Variants in BAALC observed in about 807,000 individuals in gnomAD.
BAALC encodes the protein brain and acute leukemia cytoplasmic protein.
BAALC carries 9 observed loss-of-function variants against 15.5 expected under a neutral mutation model. The observed-to-expected ratio is 0.58, with a 90% CI of 0.35 to 1.02. BAALC has a LOEUF of 1.02. Ranked by LOEUF, BAALC falls within the 50% of genes least tolerant of loss-of-function variation. BAALC has a pLI of 0.02. For missense variants in BAALC, 201 were observed against 192.4 expected (o/e 1.04, Z -0.27); for synonymous variants, 80 against 74.6 (o/e 1.07, Z -0.37).
At chr8:103,196,032 A>G (rs2130016705) in intron 1 of BAALC, among the ~76,000 whole-genome samples, 1 of 152,306 alleles carries the variant, frequency 6.6e-6, no homozygotes, top group South Asian at 2.1e-4. Context: ...ATGGAGAATT[A>G]GGCCAATTGG....
At chr8:103,174,464 C>T (rs912464864) in intron 1 of BAALC, among the ~76,000 whole-genome samples, 15 of 152,170 alleles carry the variant, frequency 9.9e-5, no homozygotes, top group Non-Finnish European at 1.6e-4. Context: ...CCAGCCATGA[C>T]CTTGGGACTC....
intron 1 of BAALC, among the ~76,000 whole-genome samples, chr8:103,207,194 C>T (rs1333451276): frequency 6.6e-6 from 1 of 152,128 alleles, no homozygotes; most frequent in Admixed American, 6.5e-5. Flanking sequence ...GAAAAAATAA[C>T]TTTCTTTCCA....
At chr8:103,147,824 G>T (rs575741964) in intron 1 of BAALC, among the ~76,000 whole-genome samples, 16 of 152,240 alleles carry the variant, frequency 1.1e-4, no homozygotes, top group African/African-American at 3.9e-4. Context: ...GAGCCTCTCT[G>T]GCCAGTCTAT....
intron 1 of BAALC, chr8:103,166,240 G>T (rs1052731683): frequency 6.5e-6 from 1 of 152,752 alleles, no homozygotes; most frequent in African/African-American, 2.4e-5. Context: ...TGTAACCTTT[G>T]TTCCTGCCAG....
rs1810751691 is a variant in BAALC at position 103,140,855 on chromosome 8, C to A, written c.-43C>A. ...CTCCGGGGCTGAGCCGCCGCCAGAG[C>A]CGACAGCCGAGCAGCCGCTGGGCGC... On this transcript the variant is annotated 5_prime_UTR_variant, in exon 1 of 3. Coordinates refer to ENST00000309982, the MANE Select transcript of BAALC (RefSeq NM_024812.3). This position sits in a 1 kb window ranked among gnomAD's most constrained non-coding sequence, Gnocchi z 4.2. 9 of 1,445,472 alleles carry A rather than the reference C, an allele frequency of 6.2e-6. No individual in the cohort carries two copies. The highest frequency in any genetic ancestry group is 8.2e-6 in the Non-Finnish European group (9 of 1,098,676). 89.5% of individuals were successfully genotyped at this position (1,445,472 alleles called of 1,614,324 possible).
chr8:103,153,410 T>G (rs984278026), intron 1 of BAALC: 2 of 152,234 alleles, frequency 1.3e-5, no homozygotes, highest in African/African-American at 4.8e-5. Flanking sequence ...GTTTTTAATA[T>G]TTTCATGTTT....
intron 1 of BAALC, among the ~76,000 whole-genome samples, chr8:103,164,738 A>G (rs191723572): frequency 2.8e-4 from 43 of 152,244 alleles, no homozygotes; most frequent in African/African-American, 9.6e-4. Context: ...ATCTAACCCA[A>G]AAGCCACCCC....
intron 1 of BAALC, among the ~76,000 whole-genome samples, chr8:103,141,986 G>GA (rs1420429445): frequency 8.5e-5 from 13 of 152,118 alleles, no homozygotes; most frequent in African/African-American, 2.4e-4. Context: ...ACATTAAAAG[G>GA]AAAAAATCTC....
chr8:103,195,627 G>A (rs1456495801), intron 1 of BAALC, among the ~76,000 whole-genome samples: 2 of 152,120 alleles, frequency 1.3e-5, no homozygotes, highest in Non-Finnish European at 2.9e-5. Flanking sequence ...TATGCGAGCT[G>A]TTCCTTTCAC....
At chr8:103,225,514 A>G (rs1430785441) in intron 2 of BAALC, among the ~76,000 whole-genome samples, 3 of 152,198 alleles carry the variant, frequency 2.0e-5, no homozygotes, top group Non-Finnish European at 2.9e-5. Flanking sequence ...TGAAACCTGC[A>G]TGGTAATGGA....
At chr8:103,169,384 C>T (rs543856101) in intron 1 of BAALC, among the ~76,000 whole-genome samples, 2 of 152,178 alleles carry the variant, frequency 1.3e-5, no homozygotes, top group South Asian at 2.1e-4. Flanking sequence ...AAGTTTATGT[C>T]CCCCACCCCG....
intron 1 of BAALC, among the ~76,000 whole-genome samples, chr8:103,142,886 T>C (rs1810812855): frequency 6.6e-6 from 1 of 152,206 alleles, no homozygotes; most frequent in South Asian, 2.1e-4. Context: ...CACTCATTCA[T>C]GGTACCCTGC....
At chr8:103,154,762 C>CT (rs1275529985) in intron 1 of BAALC, 1 of 154,414 alleles carries the variant, frequency 6.5e-6, no homozygotes, top group East Asian at 1.9e-4. Context: ...AGGACACTTA[C>CT]TCCCTTTTGA....
chr8:103,151,837 T>A (rs561883265), intron 1 of BAALC, among the ~76,000 whole-genome samples: 1 of 152,300 alleles, frequency 6.6e-6, no homozygotes, highest in East Asian at 1.9e-4. Flanking sequence ...TCTTGCCATC[T>A]GAGCATTTCT....
At chr8:103,176,354 C>CA (rs1268601502) in intron 1 of BAALC, among the ~76,000 whole-genome samples, 2 of 150,746 alleles carry the variant, frequency 1.3e-5, no homozygotes, top group East Asian at 1.9e-4. Flanking sequence ...ATAATAGTGA[C>CA]AAAAAAACCC....
At chr8:103,221,759 G>A (rs1812682073) in intron 2 of BAALC, among the ~76,000 whole-genome samples, 1 of 152,116 alleles carries the variant, frequency 6.6e-6, no homozygotes, top group South Asian at 2.1e-4. Flanking sequence ...GCTTGGGCTT[G>A]AAATCTAAGG....
chr8:103,186,234 C>T lies in BAALC; in HGVS notation c.161-26685C>T, dbSNP rs571690100. On this transcript the variant is annotated intron_variant, in intron 1 of 2. Transcript: ENST00000309982. The stretch of plus-strand genomic sequence containing the variant: ...GGCTCCCCAGCATGTAGTAAGGCAC[C>T]TGCTAAGTGTCAGGTCTGCTCTAGC... Among the ~76,000 whole-genome samples the T allele has an allele frequency of 2.0e-5, 3 of 152,336 alleles. No individual in the cohort carries two copies. In the East Asian group the frequency reaches 5.8e-4, roughly 29 times the overall value.
intron 1 of BAALC, among the ~76,000 whole-genome samples, chr8:103,186,740 G>C (rs922163951): frequency 6.6e-6 from 1 of 152,192 alleles, no homozygotes; most frequent in Non-Finnish European, 1.5e-5. Flanking sequence ...AGTTTAAACA[G>C]TGCTTTCTGG....
At chr8:103,221,697 A>C (rs958778189) in intron 2 of BAALC, among the ~76,000 whole-genome samples, 3 of 152,216 alleles carry the variant, frequency 2.0e-5, no homozygotes, top group Non-Finnish European at 2.9e-5. Flanking sequence ...CCAAACTTCT[A>C]GATAAAATAT....
Sources: allele counts gnomAD v4.1 joint callset (sites outside exome capture counted in the v4.1 genomes callset), GRCh38; gene constraint gnomAD v4.1.1; non-coding constraint Gnocchi (gnomAD v3.1); transcripts MANE v1.5; gene names NCBI Gene and HGNC (gene_info 2026-07-23, HGNC 2026-07-21).